The following PCLO variants were observed in gnomAD, a reference collection of about 807,000 sequenced individuals.
PCLO encodes the protein piccolo presynaptic cytomatrix protein, also known as protein piccolo.
PCLO carries 82 observed loss-of-function variants against 427.5 expected under a neutral mutation model. That is an observed-to-expected ratio of 0.19 (90% CI 0.16 to 0.23). PCLO has a LOEUF of 0.23. Ranked by LOEUF, PCLO falls within the 10% of genes least tolerant of loss-of-function variation. The pLI, the probability that PCLO is intolerant of heterozygous loss-of-function variation, is 1.00. For synonymous variants in PCLO, 2,357 were observed against 2,155.4 expected, an observed-to-expected ratio of 1.09 and a Z score of -2.59; for missense variants, 6,239 against 6,115.9, an observed-to-expected ratio of 1.02 and a Z score of -0.67.
intron 22 of PCLO, among the ~76,000 whole-genome samples, chr7:82,795,366 T>A (rs757019626): frequency 6.6e-6 from 1 of 152,194 alleles, no homozygotes; most frequent in Non-Finnish European, 1.5e-5. Context: ...TAATATCTGA[T>A]AAAACAAGAT....
chr7:83,121,164 G>C (rs1213010197), intron 3 of PCLO, among the ~76,000 whole-genome samples: 2 of 150,550 alleles, frequency 1.3e-5, no homozygotes, highest in Non-Finnish European at 3.0e-5. Context: ...AAAAACTTTT[G>C]TAAAGATACA....
At chr7:83,059,726 T>G (rs74611196) in intron 3 of PCLO, among the ~76,000 whole-genome samples, 2,074 of 152,164 alleles carry the variant, frequency 0.014, 62 homozygotes, top group African/African-American at 0.048. Context: ...AGTACCAAGA[T>G]GGAAATCTTG....
chr7:82,767,333 T>A (rs914350838), intron 22 of PCLO, among the ~76,000 whole-genome samples: 4 of 152,062 alleles, frequency 2.6e-5, no homozygotes, highest in African/African-American at 9.7e-5. Context: ...ATTTATCCTA[T>A]AATGTGGCAC....
In PCLO at chr7:83,134,274, A is replaced by T; in HGVS notation, c.3276T>A (p.Phe1092Leu). The T allele has an allele frequency of 6.5e-7, 1 of 1,534,396 alleles. No homozygotes were observed. The highest frequency in any genetic ancestry group is 2.4e-5 in the East Asian group (1 of 41,032). The change falls in exon 3 of 25, where the codon TTT becomes TTA. Residue 1092 changes from phenylalanine to leucine, a missense_variant. This residue lies in a region of PCLO where 4,677 missense variants were observed against 4,468.4 expected (regional missense o/e 1.05). Coordinates refer to ENST00000333891, the MANE Select transcript of PCLO (RefSeq NM_033026.6). ...CKNQVCNLCG[F>L]NPTPHLTEIQ... ...CCTCAGTCAAATGTGGTGTAGGGTTAAATCCACAGAGATTACACACTTGAT... is the reference window on the plus strand; with the variant it reads ...CCTCAGTCAAATGTGGTGTAGGGTTTAATCCACAGAGATTACACACTTGAT...
At chr7:82,775,322 C>T (rs1272005054) in intron 22 of PCLO, among the ~76,000 whole-genome samples, 2 of 152,080 alleles carry the variant, frequency 1.3e-5, no homozygotes, top group African/African-American at 4.8e-5. Flanking sequence ...AAACTGTTTT[C>T]CAAAGTGGCT....
intron 6 of PCLO, among the ~76,000 whole-genome samples, chr7:82,940,755 C>CTT (rs71531190): frequency 4.9e-4 from 53 of 109,122 alleles, no homozygotes; most frequent in Non-Finnish European, 5.7e-4. Context: ...TTTTTTCTTT[C>CTT]TTTTTTTTTT....
chr7:83,085,059 C>G (rs1319386501), intron 3 of PCLO, among the ~76,000 whole-genome samples: 1 of 152,078 alleles, frequency 6.6e-6, no homozygotes, highest in African/African-American at 2.4e-5. Flanking sequence ...CTTGTCTTCC[C>G]TGTGTGCTTA....
At chr7:82,803,662 C>T (rs1791403451) in intron 21 of PCLO, among the ~76,000 whole-genome samples, 2 of 133,384 alleles carry the variant, frequency 1.5e-5, no homozygotes, top group African/African-American at 5.1e-5. Flanking sequence ...TAGCTCAGAA[C>T]ATTCTGGCTA....
intron 22 of PCLO, among the ~76,000 whole-genome samples, chr7:82,780,034 C>T (rs1438127509): frequency 6.6e-6 from 1 of 152,134 alleles, no homozygotes; most frequent in African/African-American, 2.4e-5. Flanking sequence ...TTACTCCTTA[C>T]CATCCAGTTA....
At chr7:83,089,433 A>G (rs1790323476) in intron 3 of PCLO, among the ~76,000 whole-genome samples, 1 of 152,054 alleles carries the variant, frequency 6.6e-6, no homozygotes, top group South Asian at 2.1e-4. Context: ...CCCCCTGACC[A>G]AAATGCTCAT....
chr7:82,915,841 T>C lies in PCLO; in HGVS notation c.12145A>G (p.Ile4049Val). The part of the protein sequence containing the change: ...DHHTPRNYVL[I>V]DDIGEITKGT... ...TTGGTGATCTCTCCAATGTCGTCAA[T>C]TAGGACATAATTTCGTGGAGTATGG... Residue 4049 changes from isoleucine (I) to valine (V), a missense_variant, in exon 7 of 25, where the codon ATT becomes GTT. Physicochemically the swap from Ile to Val is conservative, Grantham distance 29 (BLOSUM62 3). Coordinates refer to ENST00000333891, the MANE Select transcript of PCLO (RefSeq NM_033026.6). 3.1e-6 allele frequency: 5 copies of C among 1,613,544 alleles called. No homozygotes were observed. The South Asian group carries it at 4.4e-5, about 14-fold the overall frequency.
chr7:82,788,725 C>T (rs189138689), intron 22 of PCLO, among the ~76,000 whole-genome samples: 23 of 151,866 alleles, frequency 1.5e-4, no homozygotes, highest in African/African-American at 5.6e-4. Context: ...TGAGAGTGCT[C>T]CACACACACA....
chr7:82,973,710 TAA>T (rs1325844675), intron 3 of PCLO, among the ~76,000 whole-genome samples: 2 of 144,762 alleles, frequency 1.4e-5, no homozygotes, highest in African/African-American at 2.5e-5. Context: ...GAAGGCAGAT[TAA>T]AAAAAAAAAA....
chr7:83,117,962 A>G (rs1791175655), intron 3 of PCLO, among the ~76,000 whole-genome samples: 1 of 152,208 alleles, frequency 6.6e-6, no homozygotes, highest in Non-Finnish European at 1.5e-5. Flanking sequence ...TCTGACACTG[A>G]ACAATATATA....
intron 3 of PCLO, among the ~76,000 whole-genome samples, chr7:83,070,505 A>C (rs1452825636): frequency 6.6e-6 from 1 of 150,862 alleles, no homozygotes; most frequent in Non-Finnish European, 1.5e-5. Context: ...CTCCTGCCTC[A>C]GCCTCCCGAG....
intron 3 of PCLO, among the ~76,000 whole-genome samples, chr7:83,014,145 A>T (rs1302077278): frequency 6.6e-6 from 1 of 152,138 alleles, no homozygotes; most frequent in South Asian, 2.1e-4. Flanking sequence ...TTCCCTTAAG[A>T]TATGTACAGT....
intron 3 of PCLO, among the ~76,000 whole-genome samples, chr7:83,076,643 G>GTTTTTTTTTTTT (rs200052422): frequency 7.5e-6 from 1 of 133,976 alleles, no homozygotes; most frequent in African/African-American, 2.8e-5. Context: ...TTTTTTTGCA[G>GTTTTTTTTTTTT]TTTTTTTTTA....
At chr7:82,778,048 A>T (rs942493172) in intron 22 of PCLO, among the ~76,000 whole-genome samples, 7 of 152,186 alleles carry the variant, frequency 4.6e-5, no homozygotes, top group African/African-American at 1.7e-4. Context: ...CAGCATCTAT[A>T]AGGAACTTAA....
intron 6 of PCLO, among the ~76,000 whole-genome samples, chr7:82,937,973 G>C (rs1472089165): frequency 6.6e-6 from 1 of 151,802 alleles, no homozygotes. Flanking sequence ...TTGAGTTACA[G>C]AGCCCAACCA....
Sources: gnomAD v4.1 joint callset for allele counts (sites outside exome capture counted in the v4.1 genomes callset) on GRCh38, gnomAD v4.1.1 for gene constraint, gnomAD v4.1.1 regional missense constraint, MANE v1.5 for transcripts, NCBI Gene and HGNC (gene_info 2026-07-23, HGNC 2026-07-21) for gene names.